The following DPP10 variants were observed in gnomAD, a reference collection of about 807,000 sequenced individuals.
DPP10 encodes dipeptidyl peptidase like 10.
Under a neutral mutation model 120.9 loss-of-function variants are expected in DPP10, and 33 were observed. The observed-to-expected ratio is 0.27, with a 90% CI of 0.21 to 0.37. The LOEUF is 0.37. DPP10 is among the 10% of genes least tolerant of loss of function. The pLI is 1.00. For missense variants in DPP10, 816 were observed against 942.8 expected, an observed-to-expected ratio of 0.87 and a Z score of 1.76; for synonymous variants, 337 against 326.1, an observed-to-expected ratio of 1.03 and a Z score of -0.36.
At chr2:115,153,277 G>A (rs1275427751) in intron 1 of DPP10, among the ~76,000 whole-genome samples, 1 of 152,134 alleles carries the variant, frequency 6.6e-6, no homozygotes, top group East Asian at 1.9e-4. Context: ...AGAAATATGA[G>A]GGACCAATTT....
chr2:114,952,001 T>C (rs1260019063), intron 1 of DPP10, among the ~76,000 whole-genome samples: 1 of 151,934 alleles, frequency 6.6e-6, no homozygotes, highest in Non-Finnish European at 1.5e-5. Flanking sequence ...ACAATAATTA[T>C]TACATAAGTA....
chr2:114,646,194 ATAAAAAG>A (rs1696118674), intron 1 of DPP10, among the ~76,000 whole-genome samples: 2 of 151,440 alleles, frequency 1.3e-5, no homozygotes, highest in Admixed American at 6.6e-5. Context: ...AAATAAATAA[ATAAAAAG>A]GGGGAGAGGG....
chr2:115,159,862 T>C (rs1022814000), intron 1 of DPP10, among the ~76,000 whole-genome samples: 20 of 152,128 alleles, frequency 1.3e-4, no homozygotes, highest in African/African-American at 4.6e-4. Context: ...AAATAAGTAA[T>C]CTTATATAAA....
At chr2:114,461,365 A>T (rs1344879214) in intron 1 of DPP10, among the ~76,000 whole-genome samples, 2 of 152,172 alleles carry the variant, frequency 1.3e-5, no homozygotes, top group African/African-American at 2.4e-5. Flanking sequence ...TGCAGGGGGA[A>T]ATAAAGAGAG....
At position 114,504,908 on chromosome 2, in the gene DPP10, C is replaced by A. The variant is rs375095118; in HGVS notation, c.60+62070C>A. On this transcript the variant is annotated intron_variant, in intron 1 of 25. Transcript: ENST00000410059. ...TTCTACTAAAAATATAAAAATTAGC[C>A]GGGCATGGTGGCGGGTGCCTATAGT... is the stretch of plus-strand genomic sequence containing the variant. 7.5e-4 allele frequency among the ~76,000 whole-genome samples: 114 copies of A among 151,654 alleles called. 1 individual carries two copies. In the East Asian group the frequency reaches 0.015, roughly 20 times the overall value.
chr2:115,688,034 A>AAGAGAGAGAG (rs70941088), intron 5 of DPP10, among the ~76,000 whole-genome samples: 41 of 150,294 alleles, frequency 2.7e-4, no homozygotes, highest in African/African-American at 6.1e-4. Flanking sequence ...GAGAGAGAAA[A>AAGAGAGAGAG]AGAGAGAGAG....
chr2:115,381,659 C>G (rs919620235), intron 3 of DPP10, among the ~76,000 whole-genome samples: 6 of 152,174 alleles, frequency 3.9e-5, no homozygotes, highest in Admixed American at 1.3e-4. Context: ...TTTTTCTGCT[C>G]TGGTTTTTCC....
chr2:114,607,282 G>A (rs1212099971), intron 1 of DPP10, among the ~76,000 whole-genome samples: 2 of 152,152 alleles, frequency 1.3e-5, no homozygotes, highest in African/African-American at 4.8e-5. Context: ...TCTAAAGAAG[G>A]ACACACTGCT....
chr2:114,996,700 T>A (rs923888381), intron 1 of DPP10, among the ~76,000 whole-genome samples: 10 of 152,100 alleles, frequency 6.6e-5, no homozygotes, highest in Non-Finnish European at 1.3e-4. Context: ...AATATTTTGA[T>A]TTGCTGGGTG....
chr2:114,489,014 C>T (rs534855136), intron 1 of DPP10, among the ~76,000 whole-genome samples: 30 of 152,334 alleles, frequency 2.0e-4, no homozygotes, highest in Admixed American at 1.7e-3. Context: ...CACTGGCTCC[C>T]TCAGACACCC....
At chr2:115,563,020 A>G (rs1032222124) in intron 5 of DPP10, among the ~76,000 whole-genome samples, 9 of 152,346 alleles carry the variant, frequency 5.9e-5, no homozygotes, top group Admixed American at 1.3e-4. Context: ...GAAATTTTCA[A>G]CTACCTTTCC....
At chr2:115,432,659 TTGTGTGTGTGTGTG>T (rs59844767) in intron 3 of DPP10, among the ~76,000 whole-genome samples, 51 of 137,756 alleles carry the variant, frequency 3.7e-4, no homozygotes, top group African/African-American at 1.3e-3. Flanking sequence ...ATAGGCAATT[TTGTGTGTGTGTGTG>T]TGTGTGTGTG....
chr2:114,583,085 A>G (rs913664068), intron 1 of DPP10, among the ~76,000 whole-genome samples: 2 of 152,222 alleles, frequency 1.3e-5, no homozygotes, highest in African/African-American at 4.8e-5. Flanking sequence ...TACTAGTAGT[A>G]CAGTTTGTTA....
intron 1 of DPP10, among the ~76,000 whole-genome samples, chr2:114,834,935 T>A (rs981187061): frequency 3.3e-5 from 5 of 149,430 alleles, no homozygotes; most frequent in African/African-American, 1.3e-4. Flanking sequence ...AAGCCATATC[T>A]ACACACCTAT....
chr2:114,805,139 G>A (rs1684612728), intron 1 of DPP10, among the ~76,000 whole-genome samples: 1 of 152,136 alleles, frequency 6.6e-6, no homozygotes. Context: ...AGTAAGAAGT[G>A]CCTTTCACCT....
At chr2:114,949,070 G>T (rs1697581142) in intron 1 of DPP10, among the ~76,000 whole-genome samples, 1 of 152,100 alleles carries the variant, frequency 6.6e-6, no homozygotes, top group African/African-American at 2.4e-5. Context: ...AAGTACAGGT[G>T]TGTGCCACCA....
At chr2:115,043,043 A>G (rs1704785992) in intron 1 of DPP10, among the ~76,000 whole-genome samples, 1 of 152,182 alleles carries the variant, frequency 6.6e-6, no homozygotes, top group African/African-American at 2.4e-5. Flanking sequence ...TAGCCCAGAG[A>G]CATAGTACAT....
At chr2:115,048,840 A>T (rs1445357062) in intron 1 of DPP10, among the ~76,000 whole-genome samples, 1 of 152,000 alleles carries the variant, frequency 6.6e-6, no homozygotes, top group Non-Finnish European at 1.5e-5. Flanking sequence ...ATGTTCTCCA[A>T]ATTTGCTTGC....
At chr2:114,738,647 G>T (rs1201356648) in intron 1 of DPP10, among the ~76,000 whole-genome samples, 2 of 152,140 alleles carry the variant, frequency 1.3e-5, no homozygotes, top group African/African-American at 2.4e-5. Flanking sequence ...TAAAGCCTCA[G>T]TTTCCTTATC....
Sources: allele counts gnomAD v4.1 joint callset (sites outside exome capture counted in the v4.1 genomes callset), GRCh38; gene constraint gnomAD v4.1.1; transcripts MANE v1.5; gene names NCBI Gene and HGNC (gene_info 2026-07-23, HGNC 2026-07-21).